The following OR2C1 variants were observed in gnomAD, a reference collection of about 807,000 sequenced individuals.
The protein encoded by OR2C1 is olfactory receptor 2C1.
For synonymous variants in OR2C1, 209 were observed against 167.3 expected (o/e 1.25, Z -1.92); for missense variants, 468 against 388.3 (o/e 1.21, Z -1.73).
chr16:3,349,971 C>T, the OR2C1 span, among the ~76,000 whole-genome samples: 1 of 151,788 alleles, frequency 6.6e-6, no homozygotes, highest in African/African-American at 2.4e-5. Flanking sequence ...GGTATTAGAG[C>T]CCAAGCCCGT....
At chr16:3,326,879 A>G in the OR2C1 span, among the ~76,000 whole-genome samples, 1 of 152,200 alleles carries the variant, frequency 6.6e-6, no homozygotes, top group Non-Finnish European at 1.5e-5. Context: ...AGAGTGATAG[A>G]AATTCAGTCC....
chr16:3,342,631 G>C, the OR2C1 span, among the ~76,000 whole-genome samples: 1 of 152,136 alleles, frequency 6.6e-6, no homozygotes, highest in Admixed American at 6.6e-5. Context: ...CGTAATGCTA[G>C]CACTTTGAGA....
the OR2C1 span, chr16:3,323,947 G>C: frequency 8.6e-6 from 6 of 701,500 alleles, no homozygotes; most frequent in Admixed American, 1.7e-4. Flanking sequence ...TGTAGCTGCT[G>C]ATCCTTACTG....
the OR2C1 span, among the ~76,000 whole-genome samples, chr16:3,334,633 C>G: frequency 2.6e-5 from 4 of 151,234 alleles, no homozygotes; most frequent in East Asian, 6.0e-4. Flanking sequence ...CCACGCCCAG[C>G]CTTCCCATTG....
At chr16:3,341,397 GAT>G in the OR2C1 span, among the ~76,000 whole-genome samples, 1 of 152,124 alleles carries the variant, frequency 6.6e-6, no homozygotes, top group South Asian at 2.1e-4. Context: ...TATGAATAGA[GAT>G]AGTTTTACTT....
chr16:3,349,363 G>A, the OR2C1 span, among the ~76,000 whole-genome samples: 4 of 152,144 alleles, frequency 2.6e-5, no homozygotes, highest in African/African-American at 9.7e-5. Context: ...CGGGCGTGGA[G>A]ATCTACCCTT....
chr16:3,323,137 C>CA, the OR2C1 span: 15 of 542,682 alleles, frequency 2.8e-5, no homozygotes, highest in Non-Finnish European at 3.8e-5. Flanking sequence ...AACAAAAACA[C>CA]ATGCTTCCAC....
At chr16:3,349,466 G>T in the OR2C1 span, among the ~76,000 whole-genome samples, 126 of 152,154 alleles carry the variant, frequency 8.3e-4, no homozygotes, top group Non-Finnish European at 1.1e-3. Flanking sequence ...AAAAGCTGTG[G>T]CCCCAGTTCG....
chr16:3,325,046 A>G, the OR2C1 span, among the ~76,000 whole-genome samples: 417 of 152,284 alleles, frequency 2.7e-3, 1 homozygote, highest in African/African-American at 9.7e-3. Context: ...CAATGGCATG[A>G]TCTCAGTTCC....
the OR2C1 span, among the ~76,000 whole-genome samples, chr16:3,333,705 G>A: frequency 6.6e-6 from 1 of 152,138 alleles, no homozygotes; most frequent in Non-Finnish European, 1.5e-5. Flanking sequence ...AAGATTTTTA[G>A]TTGGATGTAA....
the OR2C1 span, among the ~76,000 whole-genome samples, chr16:3,326,116 A>G: frequency 6.6e-6 from 1 of 151,926 alleles, no homozygotes; most frequent in East Asian, 1.9e-4. Flanking sequence ...TTTTTAGTAG[A>G]GACAGGGTTT....
upstream of OR2C1, among the ~76,000 whole-genome samples, chr16:3,352,362 G>A (rs1300405991): frequency 3.3e-5 from 5 of 151,998 alleles, no homozygotes; most frequent in Non-Finnish European, 7.4e-5. Flanking sequence ...TGATCCACCC[G>A]CCTCGGCCTC....
At chr16:3,338,133 C>T in the OR2C1 span, among the ~76,000 whole-genome samples, 87 of 152,276 alleles carry the variant, frequency 5.7e-4, no homozygotes, top group Middle Eastern at 0.01. Flanking sequence ...GTCCAGAGCA[C>T]CCGTGGAATG....
the OR2C1 span, among the ~76,000 whole-genome samples, chr16:3,333,870 G>A: frequency 2.6e-5 from 4 of 151,904 alleles, no homozygotes; most frequent in African/African-American, 4.8e-5. Flanking sequence ...GTTGATTTTT[G>A]TATATGGTGA....
the OR2C1 span, among the ~76,000 whole-genome samples, chr16:3,326,207 G>A: frequency 3.3e-5 from 5 of 152,050 alleles, no homozygotes; most frequent in African/African-American, 9.7e-5. Context: ...GGGATTACAG[G>A]CGTGAGCCAC....
At position 3,357,039 on chromosome 16, in the gene OR2C1, A is replaced by T; in HGVS notation, c.*160A>T. ...GCCCTAAGCTGTTGGGAACATGGTT[A>T]GTGTTATTCGTAATGTTCTACACTT... On this transcript the variant is annotated 3_prime_UTR_variant, in exon 1 of 1. Transcript: ENST00000304936. 1.5e-6 allele frequency: 1 copy of T among 650,960 alleles called. No individual in the cohort carries two copies. Among genetic ancestry groups the T allele is most frequent in the Non-Finnish European group, 2.7e-6 (1 of 373,702 alleles). 40.3% of individuals were successfully genotyped at this position (650,960 alleles called of 1,614,324 possible).
the OR2C1 span, among the ~76,000 whole-genome samples, chr16:3,348,816 T>G: frequency 1.5e-4 from 23 of 152,320 alleles, no homozygotes; most frequent in African/African-American, 5.1e-4. Context: ...GAATAGTGGC[T>G]GTAAGTTCTT....
chr16:3,326,631 A>G, the OR2C1 span, among the ~76,000 whole-genome samples: 1 of 152,212 alleles, frequency 6.6e-6, no homozygotes, highest in African/African-American at 2.4e-5. Flanking sequence ...CCTGGTTTCC[A>G]GGAATGGAGA....
At chr16:3,348,521 T>C in the OR2C1 span, among the ~76,000 whole-genome samples, 18 of 152,278 alleles carry the variant, frequency 1.2e-4, no homozygotes, top group East Asian at 3.3e-3. Context: ...GTTGTGATCA[T>C]GTTTATAAAC....
Sources: gnomAD v4.1 joint callset for allele counts (sites outside exome capture counted in the v4.1 genomes callset) on GRCh38, gnomAD v4.1.1 for gene constraint, MANE v1.5 for transcripts, NCBI Gene and HGNC (gene_info 2026-07-23, HGNC 2026-07-21) for gene names.